The following LPA variants were observed in gnomAD, a reference collection of about 807,000 sequenced individuals.
LPA encodes apolipoprotein(a).
In LPA, 199 loss-of-function variants were observed where a neutral mutation model predicts 197.9. The ratio of observed to expected loss-of-function variants is 1.01; its 90% confidence interval spans 0.90 to 1.13. The LOEUF (loss-of-function observed/expected upper bound fraction) is 1.13. Ranked by LOEUF, LPA falls within the 50% of genes most tolerant of loss-of-function variation. The pLI is 0.00. For missense variants in LPA, 1,853 were observed against 1,785.8 expected (o/e 1.04, Z -0.68); for synonymous variants, 715 against 639.5 (o/e 1.12, Z -1.78).
Position 160,634,815 on chromosome 6 carries a change from C to A in LPA, c.1075+308G>T, listed in dbSNP as rs554367833. ...TACTGCGACAGAAAGAATCACACAC[C>A]TGACAGCACGTTACAATAAAAATTT... On this transcript the variant is annotated intron_variant, in intron 7 of 38. Transcript: ENST00000316300. Among the ~76,000 whole-genome samples, 2 of 150,414 alleles carry A rather than the reference C, an allele frequency of 1.3e-5. 1 individual carries two copies. Among genetic ancestry groups the A allele is most frequent in the African/African-American group, 5.0e-5 (2 of 39,722 alleles).
At chr6:160,611,450 C>G in intron 16 of LPA, 112 bp downstream of exon 16, 1 of 1,533,842 alleles carries the variant, frequency 6.5e-7, no homozygotes, top group Non-Finnish European at 8.9e-7. Flanking sequence ...TTTTGCTACA[C>G]CATCTGAATC....
intron 30 of LPA, among the ~76,000 whole-genome samples, chr6:160,553,999 G>A (rs1778214669): frequency 6.6e-6 from 1 of 151,270 alleles, no homozygotes; most frequent in Non-Finnish European, 1.5e-5. Context: ...CAGATTGTAT[G>A]GCTTTCATTG....
intron 19 of LPA, 90 bp from the exon 20 acceptor site, chr6:160,599,749 A>C: frequency 2.2e-6 from 3 of 1,393,666 alleles, no homozygotes; most frequent in South Asian, 1.2e-5. Context: ...AAAAAGAGTC[A>C]CTGAGATTTA....
chr6:160,542,572 G>C (rs573779764), intron 34 of LPA, 116 bp downstream of exon 34: 9 of 1,481,800 alleles, frequency 6.1e-6, no homozygotes, highest in Non-Finnish European at 8.2e-6. Flanking sequence ...TCCTCCTTCA[G>C]AAAACAGAGA....
intron 15 of LPA, 71 bp from the exon 16 acceptor site, chr6:160,611,792 AC>A (rs1779530491): frequency 8.4e-7 from 1 of 1,196,366 alleles, no homozygotes; most frequent in Non-Finnish European, 1.2e-6. Context: ...CATTTATGAC[AC>A]AACCAGAAAG....
At chr6:160,581,604 T>C (rs1277155381) in intron 26 of LPA, among the ~76,000 whole-genome samples, 1 of 152,178 alleles carries the variant, frequency 6.6e-6, no homozygotes, top group Non-Finnish European at 1.5e-5. Context: ...CAATACCACA[T>C]GTCTTGATTA....
intron 1 of LPA, among the ~76,000 whole-genome samples, chr6:160,657,264 T>A (rs1780148604): frequency 6.6e-6 from 1 of 152,186 alleles, no homozygotes; most frequent in Non-Finnish European, 1.5e-5. Context: ...AAGTGACTAA[T>A]CCACTCCACC....
At chr6:160,545,942 A>T (rs1179730024) in intron 32 of LPA, among the ~76,000 whole-genome samples, 1 of 152,200 alleles carries the variant, frequency 6.6e-6, no homozygotes, top group African/African-American at 2.4e-5. Flanking sequence ...ACTTCCATGC[A>T]TTATGCACCA....
At chr6:160,658,318 C>T (rs1780165135) in intron 1 of LPA, among the ~76,000 whole-genome samples, 1 of 152,180 alleles carries the variant, frequency 6.6e-6, no homozygotes, top group Non-Finnish European at 1.5e-5. Context: ...CAAGGCTGTG[C>T]ATGCACCTCT....
intron 1 of LPA, among the ~76,000 whole-genome samples, chr6:160,660,844 C>T (rs1449903617): frequency 6.6e-6 from 1 of 152,122 alleles, no homozygotes; most frequent in African/African-American, 2.4e-5. Context: ...AGTGACACAC[C>T]ACTATTAGTT....
intron 19 of LPA, 107 bp downstream of exon 19, chr6:160,600,810 C>G (rs1779223432): frequency 1.5e-6 from 2 of 1,295,852 alleles, no homozygotes; most frequent in Non-Finnish European, 1.1e-6. Flanking sequence ...GACCCAGAAC[C>G]AACACACGAG....
chr6:160,608,305 AC>A (rs1939143887), intron 16 of LPA, among the ~76,000 whole-genome samples: 1 of 152,140 alleles, frequency 6.6e-6, no homozygotes, highest in Non-Finnish European at 1.5e-5. Context: ...GGGGCAGTGC[AC>A]AACATACATT....
In LPA at chr6:160,587,787, G is replaced by T. The variant is rs1338232744; in HGVS notation, c.3948-1157C>A. On this transcript the variant is annotated intron_variant, in intron 24 of 38. Coordinates refer to ENST00000316300, the MANE Select transcript of LPA (RefSeq NM_005577.4). ...TGTGTGTGTGTGTGTGTGTGTGTGT[G>T]TGTGTGTGTGTGTTTCTGTCTGTTG... 4.7e-4 allele frequency among the ~76,000 whole-genome samples: 58 copies of T among 122,218 alleles called. 1 individual carries two copies. The highest frequency in any genetic ancestry group is 2.0e-3 in the African/African-American group (54 of 27,324). 80.2% of individuals were successfully genotyped at this position (122,218 alleles called of 152,430 possible). A position where few individuals can be genotyped will look rare whatever the true frequency, so the allele number is the denominator to read the frequency against.
In LPA at chr6:160,611,461, T is replaced by C. The variant is rs1238857247; in HGVS notation, c.2603+101A>G. The C allele has an allele frequency of 1.9e-5, 29 of 1,546,324 alleles. 1 individual carries two copies. In the South Asian group the frequency reaches 2.7e-4, roughly 14 times the overall value. On this transcript the variant is annotated intron_variant, in intron 16 of 38. Coordinates refer to ENST00000316300, the MANE Select transcript of LPA (RefSeq NM_005577.4). Reference sequence around the variant, plus strand: ...GACATTTTGCTACACCATCTGAATCTGACACAAGTTGAGTTCGGAGAACTC... The same window carrying C: ...GACATTTTGCTACACCATCTGAATCCGACACAAGTTGAGTTCGGAGAACTC...
chr6:160,604,926 T>G (rs1455751417), intron 18 of LPA, 120 bp downstream of exon 18: 5 of 1,454,396 alleles, frequency 3.4e-6, no homozygotes, highest in Non-Finnish European at 1.9e-6. Flanking sequence ...CTGAGACATT[T>G]TGCTATGCAC....
chr6:160,570,492 G>C (rs943985023), intron 28 of LPA, among the ~76,000 whole-genome samples: 4 of 152,124 alleles, frequency 2.6e-5, no homozygotes, highest in Non-Finnish European at 4.4e-5. Flanking sequence ...TCATGGGATG[G>C]GGGGAGTGGG....
chr6:160,564,508 C>T (rs1159169168), intron 28 of LPA, among the ~76,000 whole-genome samples: 6 of 152,024 alleles, frequency 3.9e-5, no homozygotes, highest in Non-Finnish European at 1.5e-5. Context: ...TATTGTGGGA[C>T]CTTGTGATCG....
At chr6:160,558,020 A>C (rs886306292) in intron 28 of LPA, among the ~76,000 whole-genome samples, 4 of 151,890 alleles carry the variant, frequency 2.6e-5, no homozygotes, top group South Asian at 2.1e-4. Flanking sequence ...CCTGGGTTCA[A>C]GCCATTCTCC....
chr6:160,547,905 C>T lies in LPA; in HGVS notation c.5188G>A (p.Gly1730Ser), dbSNP rs370813256. ...CMFGNGKGYR[G>S]KKATTVTGTP... ...CCAGTAACAGTGGTTGCCTTCTTGC[C>T]CCGGTATCCTTTCCCATTCCCAAAC... The change falls in exon 32 of 39, where the codon GGC (glycine) becomes AGC (serine). Residue 1730 changes from glycine to serine, a missense_variant. This residue lies in a region of LPA where 1,737 missense variants were observed against 1,504.4 expected (regional missense o/e 1.15). Coordinates refer to ENST00000316300, the MANE Select transcript of LPA (RefSeq NM_005577.4). 1.2e-6 allele frequency: 2 copies of T among 1,613,970 alleles called. No homozygotes were observed. The highest frequency in any genetic ancestry group is 1.3e-5 in the African/African-American group (1 of 74,972).
Sources: gnomAD v4.1 joint callset for allele counts (sites outside exome capture counted in the v4.1 genomes callset) on GRCh38, gnomAD v4.1.1 for gene constraint, gnomAD v4.1.1 regional missense constraint, MANE v1.5 for transcripts, NCBI Gene and HGNC (gene_info 2026-07-23, HGNC 2026-07-21) for gene names.